The following DOK6 variants were observed in gnomAD, a reference collection of about 807,000 sequenced individuals.
DOK6 encodes docking protein 6.
A neutral mutation model predicts 44.0 loss-of-function variants in DOK6; 22 were observed. The ratio of observed to expected loss-of-function variants is 0.50; its 90% CI spans 0.36 to 0.71. DOK6 has a LOEUF of 0.71. Ranked by LOEUF, DOK6 falls within the 30% of genes least tolerant of loss-of-function variation. The pLI, the probability that DOK6 is intolerant of heterozygous loss-of-function variation, is 0.00. For missense variants in DOK6, 340 were observed against 416.4 expected (o/e 0.82, Z 1.60); for synonymous variants, 166 against 145.5 (o/e 1.14, Z -1.01).
intron 1 of DOK6, among the ~76,000 whole-genome samples, chr18:69,452,024 C>T (rs1380853149): frequency 2.0e-5 from 3 of 148,454 alleles, no homozygotes; most frequent in African/African-American, 5.0e-5. Flanking sequence ...AGAGCAAACA[C>T]ATTCAAAAGC....
At chr18:69,594,583 A>G (rs1177062791) in intron 2 of DOK6, among the ~76,000 whole-genome samples, 1 of 113,812 alleles carries the variant, frequency 8.8e-6, no homozygotes, top group African/African-American at 2.7e-5. Context: ...AGCCAGAGCA[A>G]ACAGGCAAAA....
chr18:69,480,844 G>A (rs932933497), intron 1 of DOK6, among the ~76,000 whole-genome samples: 1 of 152,104 alleles, frequency 6.6e-6, no homozygotes, highest in African/African-American at 2.4e-5. Flanking sequence ...TACTTTTCGG[G>A]CAATGGAGAT....
At chr18:69,584,012 G>T (rs1357147659) in intron 2 of DOK6, among the ~76,000 whole-genome samples, 2 of 149,520 alleles carry the variant, frequency 1.3e-5, no homozygotes, top group Admixed American at 1.3e-4. Context: ...GGAGGCTGAG[G>T]CAGGAGAATG....
chr18:69,469,644 G>T (rs1169024307), intron 1 of DOK6: 2 of 221,434 alleles, frequency 9.0e-6, no homozygotes, highest in Non-Finnish European at 9.4e-6. Flanking sequence ...ACTTCCTGCC[G>T]GCTGCCTCAC....
chr18:69,761,421 G>A (rs1457836419), intron 7 of DOK6, among the ~76,000 whole-genome samples: 1 of 152,170 alleles, frequency 6.6e-6, no homozygotes, highest in African/African-American at 2.4e-5. Context: ...GTTGGGAGTG[G>A]GGCTTCTCTC....
At chr18:69,488,652 C>T (rs1459689915) in intron 1 of DOK6, among the ~76,000 whole-genome samples, 3 of 152,112 alleles carry the variant, frequency 2.0e-5, no homozygotes, top group Non-Finnish European at 4.4e-5. Context: ...AGGGGAACTG[C>T]CCTTTATAAA....
intron 1 of DOK6, among the ~76,000 whole-genome samples, chr18:69,464,888 A>C (rs1223405607): frequency 6.6e-6 from 1 of 152,218 alleles, no homozygotes; most frequent in Non-Finnish European, 1.5e-5. Context: ...TCTATTTTAA[A>C]ATTTCAGATC....
Position 69,605,609 on chromosome 18 carries a change from G to A in DOK6, c.289+6111G>A, listed in dbSNP as rs556565441. Among the ~76,000 whole-genome samples the A allele has an allele frequency of 7.7e-4, 117 of 151,800 alleles. 1 individual carries two copies. Among genetic ancestry groups the A allele is most frequent in the South Asian group, 5.6e-3 (27 of 4,792 alleles). On this transcript the variant is annotated intron_variant, in intron 3 of 7. Transcript: ENST00000382713. The stretch of plus-strand genomic sequence containing the variant: ...AAGGTAGTATAATTTTCAATATTCA[G>A]GAAATAATCCCACTCATAATCTAAA...
chr18:69,650,767 A>G (rs1985203683), intron 3 of DOK6, among the ~76,000 whole-genome samples: 1 of 152,212 alleles, frequency 6.6e-6, no homozygotes, highest in Non-Finnish European at 1.5e-5. Flanking sequence ...TCTTACCACC[A>G]TTAAAAATAT....
At chr18:69,663,285 A>C (rs1985574805) in intron 3 of DOK6, 1 of 152,204 alleles carries the variant, frequency 6.6e-6, no homozygotes, top group African/African-American at 2.4e-5. Context: ...AAAAGGGATT[A>C]GAAATCAGAG....
chr18:69,841,692 G>T lies in DOK6; in HGVS notation c.*309G>T. ...AACAGAAACCTCAGCACTGGGAAAA[G>T]TTGCCCACACTGGGGTATGCCTGGG... On this transcript the variant is annotated 3_prime_UTR_variant, in exon 8 of 8. Transcript: ENST00000382713. 1 of 290,544 alleles carries T rather than the reference G, an allele frequency of 3.4e-6. No homozygotes were observed. The highest frequency in any genetic ancestry group is 6.6e-6 in the Non-Finnish European group (1 of 151,506). 18.0% of individuals were successfully genotyped at this position (290,544 alleles called of 1,614,324 possible).
intron 6 of DOK6, among the ~76,000 whole-genome samples, chr18:69,750,646 A>G (rs912145371): frequency 1.3e-5 from 2 of 152,230 alleles, no homozygotes; most frequent in Non-Finnish European, 2.9e-5. Context: ...GCAAATTAGT[A>G]CAACCATTGG....
intron 5 of DOK6, among the ~76,000 whole-genome samples, chr18:69,737,114 CA>C (rs1383809262): frequency 1.3e-5 from 2 of 152,120 alleles, no homozygotes; most frequent in Non-Finnish European, 2.9e-5. Context: ...CTAACAGCCC[CA>C]AAAGAACACA....
chr18:69,568,593 A>C (rs577802427), intron 2 of DOK6, among the ~76,000 whole-genome samples: 3 of 152,194 alleles, frequency 2.0e-5, no homozygotes, highest in East Asian at 3.9e-4. Flanking sequence ...GCAGTTCCCA[A>C]CTACCAGGGC....
At chr18:69,680,598 T>C (rs996839113) in intron 4 of DOK6, among the ~76,000 whole-genome samples, 5 of 152,244 alleles carry the variant, frequency 3.3e-5, no homozygotes, top group African/African-American at 1.2e-4. Context: ...CTAGTGTGTA[T>C]ACACAGAGAC....
At chr18:69,665,006 C>T (rs1353136751) in intron 3 of DOK6, among the ~76,000 whole-genome samples, 4 of 151,958 alleles carry the variant, frequency 2.6e-5, no homozygotes, top group South Asian at 4.2e-4. Flanking sequence ...GTGAAACCTC[C>T]GTCTCTACTA....
chr18:69,812,353 C>G (rs1331887539), intron 7 of DOK6, among the ~76,000 whole-genome samples: 1 of 152,120 alleles, frequency 6.6e-6, no homozygotes, highest in Admixed American at 6.6e-5. Flanking sequence ...CCATCCAACA[C>G]CCTTTTCTGT....
intron 5 of DOK6, among the ~76,000 whole-genome samples, chr18:69,727,858 C>T (rs1043870301): frequency 1.3e-5 from 2 of 152,160 alleles, no homozygotes; most frequent in Admixed American, 1.3e-4. Flanking sequence ...TCAAATCACC[C>T]CTTTCAAATG....
intron 5 of DOK6, among the ~76,000 whole-genome samples, chr18:69,733,450 T>C (rs186134507): frequency 1.6e-3 from 243 of 152,336 alleles, no homozygotes; most frequent in Non-Finnish European, 2.9e-3. Flanking sequence ...CAACCTGATA[T>C]TTTGAAGTAT....
Sources: gnomAD v4.1 joint callset for allele counts (sites outside exome capture counted in the v4.1 genomes callset) on GRCh38, gnomAD v4.1.1 for gene constraint, MANE v1.5 for transcripts, NCBI Gene and HGNC (gene_info 2026-07-23, HGNC 2026-07-21) for gene names.